Variants in GBP5 observed in about 807,000 individuals in gnomAD.
The protein encoded by GBP5 is guanylate binding protein 5.
GBP5 carries 48 observed loss-of-function variants against 58.2 expected under a neutral mutation model. That is an observed-to-expected ratio of 0.83 (90% CI 0.65 to 1.05). GBP5 has a LOEUF of 1.05. Among genes scored for constraint, GBP5 ranks in the 50% least tolerant of loss-of-function variants. The probability of loss-of-function intolerance (pLI) is 0.00; values close to 1 mark genes in which losing one functional copy is unlikely to be tolerated. For missense variants in GBP5, 714 were observed against 686.8 expected, an observed-to-expected ratio of 1.04 and a Z score of -0.44; for synonymous variants, 248 against 251.8, an observed-to-expected ratio of 0.98 and a Z score of 0.14.
At chr1:89,263,019 T>C (rs1650073620) in intron 9 of GBP5, 1 of 375,838 alleles carries the variant, frequency 2.7e-6, no homozygotes, top group African/African-American at 2.1e-5. Context: ...AGTTTGGCCA[T>C]GACTCCATGG....
chr1:89,262,053 G>T, intron 11 of GBP5, 167 bp downstream of exon 11: 2 of 639,978 alleles, frequency 3.1e-6, no homozygotes. Context: ...TAGATAACTT[G>T]CCTAAACCAT....
At chr1:89,262,963 G>T in intron 9 of GBP5, 178 bp from the exon 10 acceptor site, 4 of 453,846 alleles carry the variant, frequency 8.8e-6, no homozygotes, top group South Asian at 8.0e-5. Context: ...TGGTGGAACT[G>T]CCAATTGAGA....
chr1:89,269,477 C>A lies in GBP5; in HGVS notation c.79G>T (p.Ala27Ser), dbSNP rs530095623. ...FNEQLKVNQE[A>S]LEILSAITQP... ...GTAATGGCAGACAGGATCTCCAAAG[C>A]TTCCTGATTAACCTTCAGCTGCTCA... The change falls in exon 3 of 12, where the codon GCT becomes TCT. Residue 27 changes from alanine to serine, a missense_variant. Physicochemically the swap from Ala to Ser is moderately conservative, Grantham distance 99. Transcript: ENST00000370459. The A allele has an allele frequency of 2.2e-5, 35 of 1,614,112 alleles. No homozygotes were observed. In the South Asian group the frequency reaches 3.4e-4, roughly 16 times the overall value.
At position 89,263,962 on chromosome 1, in the gene GBP5, A is replaced by G. The variant is rs776021865; in HGVS notation, c.1150-14T>C. ...ATCTAGTAGAGTCTTCAAAGAGACAAAAACCCATGGAAAAGATGTTAGCAA... is the reference window on the plus strand; with the variant it reads ...ATCTAGTAGAGTCTTCAAAGAGACAGAAACCCATGGAAAAGATGTTAGCAA... On this transcript the variant is annotated splice_polypyrimidine_tract_variant and intron_variant, in intron 8 of 11. Coordinates refer to ENST00000370459, the MANE Select transcript of GBP5 (RefSeq NM_052942.5). 3 of 1,482,322 alleles carry G rather than the reference A, an allele frequency of 2.0e-6. No individual in the cohort carries two copies. Among genetic ancestry groups the G allele is most frequent in the Non-Finnish European group, 2.8e-6 (3 of 1,064,424 alleles). 91.8% of individuals were successfully genotyped at this position (1,482,322 alleles called of 1,614,324 possible). A position where few individuals can be genotyped will look rare whatever the true frequency, so the allele number is the denominator to read the frequency against.
chr1:89,260,834 A>T lies in GBP5; in HGVS notation c.1648-17T>A. The T allele has an allele frequency of 1.9e-6, 3 of 1,579,966 alleles. No homozygotes were observed. The highest frequency in any genetic ancestry group is 8.7e-7 in the Non-Finnish European group (1 of 1,149,192). On this transcript the variant is annotated splice_polypyrimidine_tract_variant and intron_variant, in intron 11 of 11. Coordinates refer to ENST00000370459, the MANE Select transcript of GBP5 (RefSeq NM_052942.5). ...AGCCTGTTCCTAAAGAGTGATAAAT[A>T]GAAAGTAAGATCAAGCTTCTTACTG...
intron 6 of GBP5, 34 bp downstream of exon 6, chr1:89,266,923 T>C: frequency 6.7e-7 from 1 of 1,489,638 alleles, no homozygotes; most frequent in Non-Finnish European, 9.0e-7. Context: ...GATTACTTTT[T>C]TAAAAATCTT....
intron 7 of GBP5, among the ~76,000 whole-genome samples, 168 bp from the exon 8 acceptor site, chr1:89,265,134 G>A (rs1239650775): frequency 6.6e-6 from 1 of 152,156 alleles, no homozygotes; most frequent in Admixed American, 6.5e-5. Context: ...TGTGCTATCA[G>A]GAAGCCAAGT....
chr1:89,263,024 C>G (rs2100718038), intron 9 of GBP5: 1 of 362,696 alleles, frequency 2.8e-6, no homozygotes, highest in Non-Finnish European at 5.0e-6. Flanking sequence ...GGCCATGACT[C>G]CATGGTCAGT....
At chr1:89,263,460 T>C (rs771851724) in intron 9 of GBP5, 9 of 330,706 alleles carry the variant, frequency 2.7e-5, no homozygotes, top group Non-Finnish European at 5.1e-5. Flanking sequence ...AAGGCCTCTT[T>C]GTTGCAATGA....
In GBP5 at chr1:89,262,671, C is replaced by T. The variant is rs747865151; in HGVS notation, c.1465+12G>A. The T allele has an allele frequency of 1.3e-6, 2 of 1,546,992 alleles. No individual in the cohort carries two copies. The highest frequency in any genetic ancestry group is 1.8e-6 in the Non-Finnish European group (2 of 1,120,274). On this transcript the variant is annotated intron_variant, in intron 10 of 11. Transcript: ENST00000370459. Reference sequence around the variant, plus strand: ...TTCTTTCTATCTTGCATAATTTCCACTTTCTTCTCACCTTTCTTCTTTTTT... The same window carrying T: ...TTCTTTCTATCTTGCATAATTTCCATTTTCTTCTCACCTTTCTTCTTTTTT...
Position 89,266,521 on chromosome 1 carries a change from C to T in GBP5, c.693G>A (p.Lys231=), listed in dbSNP as rs938998949. The T allele has an allele frequency of 8.4e-5, 136 of 1,613,832 alleles. No individual in the cohort carries two copies. Among genetic ancestry groups the T allele is most frequent in the Admixed American group, 1.2e-4 (7 of 60,002 alleles). Residue 231 remains lysine, a synonymous_variant, in exon 7 of 12, where the codon AAG becomes AAA. Transcript: ENST00000370459. ...CAGGTAAGTCAAAGATAAAGCATTT[C>T]TTTTTTGGAAAGAACTTCTGTATAC... The part of the protein sequence containing the change: ...RLCIQKFFPK[K]KCFIFDLPAH...
Position 89,262,386 on chromosome 1 carries a change from G to T in GBP5, c.1481C>A (p.Ala494Glu). The T allele has an allele frequency of 6.2e-7, 1 of 1,613,768 alleles. No homozygotes were observed. The change falls in exon 11 of 12, where the codon GCA becomes GAA. Residue 494 changes from alanine (A) to glutamate (E), a missense_variant. Physicochemically the swap from Ala to Glu is moderately radical, Grantham distance 107 (BLOSUM62 -1). Transcript: ENST00000370459. ...EKKKKEAQVKAEAEKAEAQRL... is the reference protein window; with the variant it reads ...EKKKKEAQVKEEAEKAEAQRL... ...TTGCGCTTCAGCCTTTTCAGCTTCTGCTTTCACTTGTGCCTCTGAGGAGAA... is the reference window on the plus strand; with the variant it reads ...TTGCGCTTCAGCCTTTTCAGCTTCTTCTTTCACTTGTGCCTCTGAGGAGAA...
In GBP5 at chr1:89,262,790, C is replaced by A; in HGVS notation, c.1363-5G>T. Reference sequence around the variant, plus strand: ...TTTCTGCAGAACTTCTTCAGCCTAGCAACCCGGAAAACATGCAGTTAGATG... The same window carrying A: ...TTTCTGCAGAACTTCTTCAGCCTAGAAACCCGGAAAACATGCAGTTAGATG... On this transcript the variant is annotated splice_region_variant and splice_polypyrimidine_tract_variant and intron_variant, in intron 9 of 11. Transcript: ENST00000370459. The A allele has an allele frequency of 6.5e-7, 1 of 1,537,718 alleles. No homozygotes were observed. The highest frequency in any genetic ancestry group is 8.8e-7 in the Non-Finnish European group (1 of 1,140,846).
chr1:89,269,774 T>A (rs1650372694), intron 2 of GBP5, 200 bp from the exon 3 acceptor site: 1 of 405,692 alleles, frequency 2.5e-6, no homozygotes, highest in African/African-American at 2.0e-5. Flanking sequence ...CTAGGCCCTT[T>A]ATATGTCTAC....
Position 89,269,532 on chromosome 1 carries a change from T to C in GBP5, c.24A>G (p.Ser8=). 6.2e-7 allele frequency: 1 copy of C among 1,613,530 alleles called. No homozygotes were observed. Among genetic ancestry groups the C allele is most frequent in the Non-Finnish European group, 8.5e-7 (1 of 1,179,464 alleles). Residue 8 remains serine, a synonymous_variant, in exon 3 of 12, where the codon TCA becomes TCG. Coordinates refer to ENST00000370459, the MANE Select transcript of GBP5 (RefSeq NM_052942.5). The stretch of plus-strand genomic sequence containing the variant: ...AGTTCTCGATGAGGCACATGGGGTC[T>C]GACATGTGGATCTCTAAAGCCATGT... MALEIHM[S]DPMCLIENFN...
At chr1:89,267,716 C>T (rs1374813536) in intron 4 of GBP5, among the ~76,000 whole-genome samples, 190 bp from the exon 5 acceptor site, 1 of 152,170 alleles carries the variant, frequency 6.6e-6, no homozygotes, top group Non-Finnish European at 1.5e-5. Context: ...TCACCAGTCC[C>T]TCTACATATT....
rs1202610269 is a variant in GBP5, at chr1:89,272,036, A to G, written c.-128+416T>C. On this transcript the variant is annotated intron_variant, in intron 1 of 11. Transcript: ENST00000370459. Reference sequence around the variant, plus strand: ...TTTTTTCTTGTCCTTAATGTTTGCAAGCTACTTACATTGCATCATATTCAT... The same window carrying G: ...TTTTTTCTTGTCCTTAATGTTTGCAGGCTACTTACATTGCATCATATTCAT... The G allele has an allele frequency of 9.9e-5, 15 of 152,218 alleles. 1 individual carries two copies. Among genetic ancestry groups the G allele is most frequent in the Admixed American group, 9.8e-4 (15 of 15,278 alleles). 9.4% of individuals were successfully genotyped at this position (152,218 alleles called of 1,614,324 possible).
chr1:89,265,832 CTT>C (rs1262461862), intron 7 of GBP5, among the ~76,000 whole-genome samples: 1 of 151,488 alleles, frequency 6.6e-6, no homozygotes, highest in Non-Finnish European at 1.5e-5. Context: ...CATTTGCACA[CTT>C]TTGTTTCCAG....
rs1433259961 is a variant in GBP5 at position 89,256,945 on chromosome 1, T to C, written c.*3759A>G. ...ATACACTAGAGTCATTACCACATTT[T>C]CTCTACTTCATTTTAGAAATTTCTT... On this transcript the variant is annotated 3_prime_UTR_variant, in exon 12 of 12. Coordinates refer to ENST00000370459, the MANE Select transcript of GBP5 (RefSeq NM_052942.5). Among the ~76,000 whole-genome samples the C allele has an allele frequency of 6.6e-6, 1 of 152,232 alleles. No individual in the cohort carries two copies. Among genetic ancestry groups the C allele is most frequent in the Non-Finnish European group, 1.5e-5 (1 of 68,036 alleles).
Sources: gnomAD v4.1 joint callset for allele counts (sites outside exome capture counted in the v4.1 genomes callset) on GRCh38, gnomAD v4.1.1 for gene constraint, MANE v1.5 for transcripts, NCBI Gene and HGNC (gene_info 2026-07-23, HGNC 2026-07-21) for gene names.